Variants in TPSB2 observed in about 807,000 individuals in gnomAD.
TPSB2 encodes the protein tryptase beta 2, also known as tryptase beta-2.
Under a neutral mutation model 19.8 loss-of-function variants are expected in TPSB2, and 13 were observed. The observed-to-expected ratio is 0.66, with a 90% CI of 0.43 to 1.04. TPSB2 has a LOEUF of 1.04. TPSB2 is among the 50% of genes least tolerant of loss of function. The pLI is 0.00. For missense variants in TPSB2, 196 were observed against 259.9 expected (o/e 0.75, Z 1.69); for synonymous variants, 78 against 116.4 (o/e 0.67, Z 2.12).
chr16:1,228,361 C>G lies in TPSB2; in HGVS notation c.*289G>C. ...TGATTTCCATGCACTTTAATGAGGT[C>G]CAGCACTCAGGAGGATTAGCGCCCA... is the stretch of plus-strand genomic sequence containing the variant. On this transcript the variant is annotated 3_prime_UTR_variant, in exon 6 of 6. Transcript: ENST00000606293. The G allele has an allele frequency of 1.7e-6, 1 of 585,418 alleles. No individual in the cohort carries two copies. The highest frequency in any genetic ancestry group is 3.0e-6 in the Non-Finnish European group (1 of 331,490). The allele number at this position is 585,418 out of a possible 1,614,324, so 36.3% of individuals were successfully genotyped here.
chr16:1,229,571 C>T lies in TPSB2; in HGVS notation c.228G>A (p.Val76=), dbSNP rs755520876. 6.5e-7 allele frequency: 1 copy of T among 1,528,764 alleles called. No individual in the cohort carries two copies. Among genetic ancestry groups the T allele is most frequent in the Non-Finnish European group, 8.7e-7 (1 of 1,152,718 alleles). The allele number at this position is 1,528,764 out of a possible 1,614,324, so 94.7% of individuals were successfully genotyped here. Reference sequence around the variant, plus strand: ...CCAGGCCCCGGGAGACTCACGGTCCCACGCAGTGCGCTGCGGTCAGCACCC... The same window carrying T: ...CCAGGCCCCGGGAGACTCACGGTCCTACGCAGTGCGCTGCGGTCAGCACCC... The part of the protein sequence containing the change: ...PQWVLTAAHC[V]GPDVKDLAAL... Residue 76 remains valine (V), a synonymous_variant, in exon 3 of 6, where the codon GTG becomes GTA. Transcript: ENST00000606293.
chr16:1,228,657 T>C lies in TPSB2; in HGVS notation c.821A>G (p.Lys274Arg). The part of the protein sequence containing the change: ...LDWIHHYVPK[K>R]P ...GGACACCCCAGGCCTGACTCACGGC[T>C]TTTTGGGGACATAGTGGTGGATCCA... The change falls in exon 6 of 6, where the codon AAG becomes AGG. Residue 274 changes from lysine (K) to arginine (R), a missense_variant. Lys to Arg is a conservative substitution (Grantham distance 26, BLOSUM62 2). Around this residue, in one of 4 missense-constraint regions of TPSB2, gnomAD observed 109 missense variants for 110.2 expected, o/e 0.99. Coordinates refer to ENST00000606293, the MANE Select transcript of TPSB2 (RefSeq NM_024164.6). The C allele has an allele frequency of 1.2e-6, 2 of 1,602,602 alleles. No individual in the cohort carries two copies. Among genetic ancestry groups the C allele is most frequent in the Non-Finnish European group, 1.7e-6 (2 of 1,176,408 alleles).
In TPSB2 at chr16:1,229,596, C is replaced by G. The variant is rs749213483; in HGVS notation, c.203G>C (p.Trp68Ser). Residue 68 changes from tryptophan (W) to serine (S), a missense_variant, in exon 3 of 6, where the codon TGG (tryptophan) becomes TCG (serine). By Grantham distance (177) the Trp-to-Ser change is radical (BLOSUM62 -3). Around this residue, in one of 4 missense-constraint regions of TPSB2, gnomAD observed 72 missense variants for 80.5 expected, o/e 0.89. Transcript: ENST00000606293. ...FCGGSLIHPQ[W>S]VLTAAHCVGP... ...CACGCAGTGCGCTGCGGTCAGCACC[C>G]ACTGGGGGTGGATGAGGGAGCCCCC... 2.5e-6 allele frequency: 4 copies of G among 1,591,902 alleles called. 1 individual carries two copies. The highest frequency in any genetic ancestry group is 1.9e-4 in the Middle Eastern group (1 of 5,286).
At position 1,228,890 on chromosome 16, in the gene TPSB2, C is replaced by T. The variant is rs1007545361; in HGVS notation, c.663+10G>A. 8.3e-6 allele frequency: 2 copies of T among 242,210 alleles called. No homozygotes were observed. Among genetic ancestry groups the T allele is most frequent in the Non-Finnish European group, 6.9e-6 (1 of 145,634 alleles). 15.0% of individuals were successfully genotyped at this position (242,210 alleles called of 1,614,324 possible). ...TGGGGGGCGGGGGGCGGGGGACAGG[C>T]GGGGCCCACCTGGCATGAGTCCCTC... On this transcript the variant is annotated intron_variant, in intron 5 of 5. Transcript: ENST00000606293.
chr16:1,228,660 T>G lies in TPSB2; in HGVS notation c.818A>C (p.Lys273Thr). 1 of 1,603,042 alleles carries G rather than the reference T, an allele frequency of 6.2e-7. No homozygotes were observed. Among genetic ancestry groups the G allele is most frequent in the Non-Finnish European group, 8.5e-7 (1 of 1,176,696 alleles). ...YLDWIHHYVP[K>T]KP ...CACCCCAGGCCTGACTCACGGCTTTTTGGGGACATAGTGGTGGATCCAGTC... is the reference window on the plus strand; with the variant it reads ...CACCCCAGGCCTGACTCACGGCTTTGTGGGGACATAGTGGTGGATCCAGTC... The change falls in exon 6 of 6, where the codon AAA becomes ACA. Residue 273 changes from lysine (K) to threonine (T), a missense_variant. Physicochemically the swap from Lys to Thr is moderately conservative, Grantham distance 78. Coordinates refer to ENST00000606293, the MANE Select transcript of TPSB2 (RefSeq NM_024164.6).
chr16:1,228,864 T>TCAGGATGAGGGATGCGCTCGC (rs2030289890), intron 5 of TPSB2, 36 bp downstream of exon 5: 1 of 76,874 alleles, frequency 1.3e-5, no homozygotes, highest in Non-Finnish European at 2.1e-5. Context: ...GGAGTGGGGG[T>TCAGGATGAGGGATGCGCTCGC]TGGGGGGCGG....
At position 1,228,827 on chromosome 16, in the gene TPSB2, G is replaced by A. The variant is rs1411823534; in HGVS notation, c.664-13C>T. On this transcript the variant is annotated splice_polypyrimidine_tract_variant and intron_variant, in intron 5 of 5. Transcript: ENST00000606293. Reference sequence around the variant, plus strand: ...CTCCGGAGTCGCCCTGGGAAGGTCAGAGGTCAGCGCTCGCCGAACAGGCCT... The same window carrying A: ...CTCCGGAGTCGCCCTGGGAAGGTCAAAGGTCAGCGCTCGCCGAACAGGCCT... 1.2e-5 allele frequency: 14 copies of A among 1,189,538 alleles called. No individual in the cohort carries two copies. The highest frequency in any genetic ancestry group is 1.5e-5 in the Non-Finnish European group (14 of 916,788). 73.7% of individuals were successfully genotyped at this position (1,189,538 alleles called of 1,614,324 possible).
chr16:1,229,510 G>A, intron 3 of TPSB2, 54 bp from the exon 4 acceptor site: 1 of 1,328,336 alleles, frequency 7.5e-7, no homozygotes, highest in Non-Finnish European at 9.5e-7. Context: ...GGAGCACCCG[G>A]GAGCCAGGGC....
In TPSB2 at chr16:1,229,349, T is replaced by C; in HGVS notation, c.341A>G (p.Tyr114Cys). Residue 114 changes from tyrosine (Y) to cysteine (C), a missense_variant, in exon 4 of 6, where the codon TAC becomes TGC. Physicochemically the swap from Tyr to Cys is radical, Grantham distance 194. Around this residue, in one of 4 missense-constraint regions of TPSB2, gnomAD observed 15 missense variants for 40.7 expected, o/e 0.37. Coordinates refer to ENST00000606293, the MANE Select transcript of TPSB2 (RefSeq NM_024164.6). Reference sequence around the variant, plus strand: ...GATGTCCGCTCCGATCTGGGCGGTGTAGAACTGTGGGTGCACGATGATCCT... The same window carrying C: ...GATGTCCGCTCCGATCTGGGCGGTGCAGAACTGTGGGTGCACGATGATCCT... ...VSRIIVHPQF[Y>C]TAQIGADIAL... 4.5e-6 allele frequency: 3 copies of C among 665,208 alleles called. No individual in the cohort carries two copies. Among genetic ancestry groups the C allele is most frequent in the Non-Finnish European group, 4.3e-6 (2 of 467,484 alleles). The allele number at this position is 665,208 out of a possible 1,614,324, so 41.2% of individuals were successfully genotyped here. A position where few individuals can be genotyped will look rare whatever the true frequency, so the allele number is the denominator to read the frequency against.
Position 1,228,963 on chromosome 16 carries a change from G to A in TPSB2, c.600C>T (p.Asp200=), listed in dbSNP as rs574293648. 17,752 of 493,160 alleles carry A rather than the reference G, an allele frequency of 0.036. 235 individuals carry two copies. The highest frequency in any genetic ancestry group is 0.06 in the Middle Eastern group (125 of 2,068). 30.5% of individuals were successfully genotyped at this position (493,160 alleles called of 1,614,324 possible). A position where few individuals can be genotyped will look rare whatever the true frequency, so the allele number is the denominator to read the frequency against. ...AKYHLGAYTG[D]DVRIVRDDML... Reference sequence around the variant, plus strand: ...TGTCGTCACGGACGATGCGGACGTCGTCTCCCGTGTAGGCGCCAAGGTGGT... The same window carrying A: ...TGTCGTCACGGACGATGCGGACGTCATCTCCCGTGTAGGCGCCAAGGTGGT... Residue 200 remains aspartate, a synonymous_variant, in exon 5 of 6, where the codon GAC becomes GAT. Transcript: ENST00000606293.
At position 1,228,555 on chromosome 16, in the gene TPSB2, TGTG is replaced by T. The variant is rs918377046; in HGVS notation, c.*92_*94del. ...GGCACTCAGGACGGGGCAGGGAAGG[TGTG>T]GGGGGCAGTCGCCACCTGGGTAGGA... is the stretch of plus-strand genomic sequence containing the variant. On this transcript the variant is annotated 3_prime_UTR_variant, in exon 6 of 6. Transcript: ENST00000606293. 5.3e-6 allele frequency: 6 copies of T among 1,134,418 alleles called. No homozygotes were observed. Among genetic ancestry groups the T allele is most frequent in the African/African-American group, 4.8e-5 (3 of 62,030 alleles). 70.3% of individuals were successfully genotyped at this position (1,134,418 alleles called of 1,614,324 possible). A position where few individuals can be genotyped will look rare whatever the true frequency, so the allele number is the denominator to read the frequency against.
rs369177468 is a variant in TPSB2, at chr16:1,228,707, G to A, written c.771C>T (p.Tyr257=). The A allele has an allele frequency of 6.5e-5, 103 of 1,586,022 alleles. 4 individuals carry two copies. The East Asian group carries it at 1.1e-3, about 17-fold the overall frequency. ...GCAQPNRPGI[Y]TRVTYYLDWI... is the part of the protein sequence containing the mutation. ...AGTCCAAGTAGTAGGTGACACGGGT[G>A]TAGATGCCAGGCCGGTTGGGCTGGG... The change falls in exon 6 of 6, where the codon TAC becomes TAT. Residue 257 remains tyrosine, a synonymous_variant. Transcript: ENST00000606293.
Position 1,229,594 on chromosome 16 carries a change from C to T in TPSB2, c.205G>A (p.Val69Met), listed in dbSNP as rs1165457748. The change falls in exon 3 of 6, where the codon GTG (valine) becomes ATG (methionine). Residue 69 changes from valine to methionine, a missense_variant. This residue lies in a region of TPSB2 where 72 missense variants were observed against 80.5 expected (regional missense o/e 0.89). Transcript: ENST00000606293. The stretch of plus-strand genomic sequence containing the variant: ...CCCACGCAGTGCGCTGCGGTCAGCA[C>T]CCACTGGGGGTGGATGAGGGAGCCC... ...CGGSLIHPQW[V>M]LTAAHCVGPD... The T allele has an allele frequency of 1.1e-5, 17 of 1,589,934 alleles. No individual in the cohort carries two copies. Among genetic ancestry groups the T allele is most frequent in the African/African-American group, 1.5e-5 (1 of 67,654 alleles).
chr16:1,228,348 A>T lies in TPSB2; in HGVS notation c.*302T>A. 1.9e-6 allele frequency: 1 copy of T among 535,944 alleles called. No individual in the cohort carries two copies. The highest frequency in any genetic ancestry group is 3.3e-6 in the Non-Finnish European group (1 of 301,912). The allele number at this position is 535,944 out of a possible 1,614,324, so 33.2% of individuals were successfully genotyped here. A position where few individuals can be genotyped will look rare whatever the true frequency, so the allele number is the denominator to read the frequency against. On this transcript the variant is annotated 3_prime_UTR_variant, in exon 6 of 6. Transcript: ENST00000606293. ...CGATGCACACCAGTGATTTCCATGC[A>T]CTTTAATGAGGTCCAGCACTCAGGA...
chr16:1,229,102 C>A, intron 4 of TPSB2, 39 bp from the exon 5 acceptor site: 1 of 340,056 alleles, frequency 2.9e-6, no homozygotes, highest in Non-Finnish European at 4.8e-6. Flanking sequence ...AGGAGGGGGC[C>A]GGGCAACCCC....
At chr16:1,229,134 C>T in intron 4 of TPSB2, 57 bp downstream of exon 4, 1 of 328,460 alleles carries the variant, frequency 3.0e-6, no homozygotes, top group African/African-American at 1.1e-4. Flanking sequence ...CAGAGGGAGC[C>T]CAGGGGCTGG....
Position 1,228,542 on chromosome 16 carries a change from G to A in TPSB2, c.*108C>T, listed in dbSNP as rs552393903. 2.3e-5 allele frequency: 17 copies of A among 729,364 alleles called. No homozygotes were observed. Among genetic ancestry groups the A allele is most frequent in the African/African-American group, 5.4e-5 (3 of 55,610 alleles). The allele number at this position is 729,364 out of a possible 1,614,324, so 45.2% of individuals were successfully genotyped here. On this transcript the variant is annotated 3_prime_UTR_variant, in exon 6 of 6. Transcript: ENST00000606293. ...TAGGACAGGAAGGGGCACTCAGGAC[G>A]GGGCAGGGAAGGTGTGGGGGGCAGT...
chr16:1,228,388 C>T lies in TPSB2; in HGVS notation c.*262G>A. The T allele has an allele frequency of 2.9e-6, 2 of 693,250 alleles. No individual in the cohort carries two copies. The highest frequency in any genetic ancestry group is 4.7e-6 in the Non-Finnish European group (2 of 424,514). The allele number at this position is 693,250 out of a possible 1,614,324, so 42.9% of individuals were successfully genotyped here. ...AGCACTCAGGAGGATTAGCGCCCAC[C>T]ACCAGCTGCCTGGGCAGGGGAGGGC... On this transcript the variant is annotated 3_prime_UTR_variant, in exon 6 of 6. Coordinates refer to ENST00000606293, the MANE Select transcript of TPSB2 (RefSeq NM_024164.6).
rs368638297 is a variant in TPSB2 at position 1,229,581 on chromosome 16, G to A, written c.218C>T (p.Ala73Val). Residue 73 changes from alanine (A) to valine (V), a missense_variant, in exon 3 of 6, where the codon GCG (alanine) becomes GTG (valine). Coordinates refer to ENST00000606293, the MANE Select transcript of TPSB2 (RefSeq NM_024164.6). ...GGAGACTCACGGTCCCACGCAGTGCGCTGCGGTCAGCACCCACTGGGGGTG... is the reference window on the plus strand; with the variant it reads ...GGAGACTCACGGTCCCACGCAGTGCACTGCGGTCAGCACCCACTGGGGGTG... ...LIHPQWVLTA[A>V]HCVGPDVKDL... 9.0e-5 allele frequency: 141 copies of A among 1,562,060 alleles called. No individual in the cohort carries two copies. The highest frequency in any genetic ancestry group is 6.1e-4 in the Middle Eastern group (3 of 4,942).
Sources: allele counts gnomAD v4.1 joint callset, GRCh38; gene constraint gnomAD v4.1.1; regional missense constraint gnomAD v4.1.1; transcripts MANE v1.5; gene names NCBI Gene and HGNC (gene_info 2026-07-23, HGNC 2026-07-21).